Variants in MMP26 observed in about 807,000 individuals in gnomAD.
MMP26 encodes the protein matrix metalloproteinase-26.
A neutral mutation model predicts 31.0 loss-of-function variants in MMP26; 33 were observed. The observed-to-expected ratio is 1.06, with a 90% CI of 0.81 to 1.42. The LOEUF (loss-of-function observed/expected upper bound fraction) is 1.42, where lower values mean the gene tolerates loss of function less well. MMP26 is among the 40% of genes most tolerant of loss of function. The pLI is 0.00. For missense variants in MMP26, 347 were observed against 316.1 expected (o/e 1.10, Z -0.74); for synonymous variants, 122 against 114.9 (o/e 1.06, Z -0.40).
At chr11:4,974,869 C>T (rs1261580979) in intron 2 of MMP26, among the ~76,000 whole-genome samples, 1 of 152,058 alleles carries the variant, frequency 6.6e-6, no homozygotes, top group African/African-American at 2.4e-5. Context: ...AAACCAAACA[C>T]CGCATGTTCT....
At chr11:4,715,137 A>ATATT (rs1415282569) in intron 1 of MMP26, among the ~76,000 whole-genome samples, 1 of 152,152 alleles carries the variant, frequency 6.6e-6, no homozygotes, top group African/African-American at 2.4e-5. Context: ...CAACATGTAT[A>ATATT]TATTGTATGC....
rs527577857 is a variant in MMP26, at chr11:4,806,490, C to G, written c.-145+39149C>G. ...ACCATTATGTAATGGGCTTCTTTGT[C>G]TCTTTTGATCTTTGTTGGTTTAAAG... On this transcript the variant is annotated intron_variant, in intron 2 of 7. Transcript: ENST00000380390. Among the ~76,000 whole-genome samples the G allele has an allele frequency of 3.3e-5, 5 of 152,172 alleles. No homozygotes were observed. The South Asian group carries it at 1.0e-3, about 32-fold the overall frequency.
intron 2 of MMP26, chr11:4,787,686 CA>C (rs1371639027): frequency 1.3e-4 from 20 of 152,212 alleles, no homozygotes; most frequent in African/African-American, 4.8e-4. Context: ...CTCTTTCAAA[CA>C]AAATCAAAAG....
chr11:4,854,987 C>G (rs1283163050), intron 2 of MMP26, among the ~76,000 whole-genome samples: 3 of 152,204 alleles, frequency 2.0e-5, no homozygotes, highest in Non-Finnish European at 2.9e-5. Flanking sequence ...TCCAACAGAG[C>G]TACAGCTAAG....
chr11:4,941,874 A>T (rs1011039398), intron 2 of MMP26, among the ~76,000 whole-genome samples: 4 of 151,688 alleles, frequency 2.6e-5, no homozygotes, highest in Non-Finnish European at 5.9e-5. Context: ...TCATGAGGTC[A>T]GGAGATCGAG....
intron 2 of MMP26, among the ~76,000 whole-genome samples, chr11:4,874,708 C>A (rs1245461113): frequency 2.0e-5 from 3 of 152,004 alleles, no homozygotes; most frequent in African/African-American, 7.2e-5. Flanking sequence ...TGTGGCTAGA[C>A]TGGCCTGAAA....
At chr11:4,766,923 A>G (rs1848639662) in intron 1 of MMP26, among the ~76,000 whole-genome samples, 1 of 152,122 alleles carries the variant, frequency 6.6e-6, no homozygotes, top group Admixed American at 6.6e-5. Context: ...ATTTTACCAC[A>G]TCTATCTTTC....
chr11:4,912,835 A>T (rs1851011614), intron 2 of MMP26: 1 of 151,898 alleles, frequency 6.6e-6, no homozygotes, highest in South Asian at 2.1e-4. Flanking sequence ...TTCCCACTCC[A>T]CTGTTGATCT....
intron 2 of MMP26, among the ~76,000 whole-genome samples, chr11:4,775,014 T>C (rs1425934491): frequency 6.6e-6 from 1 of 152,218 alleles, no homozygotes; most frequent in Non-Finnish European, 1.5e-5. Flanking sequence ...AGTACCATGC[T>C]GTTTTGGTTA....
intron 2 of MMP26, among the ~76,000 whole-genome samples, chr11:4,917,602 C>G (rs1851117607): frequency 6.6e-6 from 1 of 152,188 alleles, no homozygotes; most frequent in Non-Finnish European, 1.5e-5. Context: ...CATATAGGCT[C>G]TCACACCGTG....
At chr11:4,836,842 T>A (rs1234548965) in intron 2 of MMP26, among the ~76,000 whole-genome samples, 1 of 150,658 alleles carries the variant, frequency 6.6e-6, no homozygotes, top group Non-Finnish European at 1.5e-5. Context: ...TTTTTTTTTG[T>A]ATTTTTGGTA....
At chr11:4,884,166 A>G (rs1212925153) in intron 2 of MMP26, among the ~76,000 whole-genome samples, 1 of 152,092 alleles carries the variant, frequency 6.6e-6, no homozygotes, top group Non-Finnish European at 1.5e-5. Flanking sequence ...CATGCATTAT[A>G]CTCAGGTAAT....
intron 2 of MMP26, chr11:4,945,919 G>A: frequency 3.9e-6 from 2 of 507,904 alleles, no homozygotes. Context: ...TTTGTTGCTT[G>A]TATCGGAGAT....
chr11:4,908,609 A>C, intron 2 of MMP26: 2 of 427,244 alleles, frequency 4.7e-6, no homozygotes, highest in Admixed American at 3.7e-5. Context: ...GGGCAGATTG[A>C]GATTACCATT....
intron 2 of MMP26, among the ~76,000 whole-genome samples, chr11:4,828,721 G>A (rs1038156778): frequency 2.0e-5 from 3 of 152,166 alleles, no homozygotes; most frequent in Non-Finnish European, 4.4e-5. Flanking sequence ...CGACACTTAT[G>A]TGCTTCTTTT....
At chr11:4,765,892 T>G (rs2133414871) in intron 1 of MMP26, among the ~76,000 whole-genome samples, 1 of 152,342 alleles carries the variant, frequency 6.6e-6, no homozygotes, top group African/African-American at 2.4e-5. Context: ...TCCTTTTCCA[T>G]CTACTAGGGC....
intron 1 of MMP26, among the ~76,000 whole-genome samples, chr11:4,721,958 T>A (rs1223503670): frequency 1.3e-5 from 2 of 152,188 alleles, no homozygotes; most frequent in Non-Finnish European, 2.9e-5. Flanking sequence ...ACTGTTTGGA[T>A]CTCTGTCCCG....
intron 1 of MMP26, among the ~76,000 whole-genome samples, chr11:4,731,070 G>A (rs533852910): frequency 3.9e-5 from 6 of 152,072 alleles, no homozygotes; most frequent in Non-Finnish European, 5.9e-5. Context: ...TCAGCCTCTC[G>A]AGTAGCTGGG....
chr11:4,966,429 G>A (rs10837037), intron 2 of MMP26, among the ~76,000 whole-genome samples: 72,734 of 151,920 alleles, frequency 0.48, 18,576 homozygotes, highest in South Asian at 0.64. Flanking sequence ...AGAGGATAAG[G>A]TGCCTGATTC....
Sources: allele counts gnomAD v4.1 joint callset (sites outside exome capture counted in the v4.1 genomes callset), GRCh38; gene constraint gnomAD v4.1.1; transcripts MANE v1.5; gene names NCBI Gene and HGNC (gene_info 2026-07-23, HGNC 2026-07-21).